RPH3A: variants seen among roughly 807,000 people sequenced by gnomAD.
RPH3A encodes the protein rabphilin 3A.
In RPH3A, 48 loss-of-function variants were observed where a neutral mutation model predicts 102.2. That is an observed-to-expected ratio of 0.47 (90% CI 0.37 to 0.60). The LOEUF (loss-of-function observed/expected upper bound fraction) is 0.60, where lower values mean the gene tolerates loss of function less well. Among genes scored for constraint, RPH3A ranks in the 20% least tolerant of loss-of-function variants. The pLI is 0.00. For synonymous variants in RPH3A, 310 were observed against 324.3 expected (o/e 0.96, Z 0.47); for missense variants, 781 against 910.1 (o/e 0.86, Z 1.83).
intron 2 of RPH3A, among the ~76,000 whole-genome samples, chr12:112,803,914 T>A (rs2041404402): frequency 6.6e-6 from 1 of 152,188 alleles, no homozygotes; most frequent in African/African-American, 2.4e-5. Context: ...ACCTGTAAGA[T>A]GGGAATAATA....
intron 1 of RPH3A, among the ~76,000 whole-genome samples, chr12:112,713,026 T>TTCCTCTTCCTCTTCCTCTTCC (rs1324935262): frequency 1.4e-5 from 1 of 69,116 alleles, no homozygotes; most frequent in Non-Finnish European, 2.5e-5. Flanking sequence ...CCTCTTCCTC[T>TTCCTCTTCCTCTTCCTCTTCC]TCTTCTTCTT....
chr12:112,725,277 A>C (rs944738768), intron 1 of RPH3A, among the ~76,000 whole-genome samples: 2 of 148,908 alleles, frequency 1.3e-5, no homozygotes, highest in Non-Finnish European at 3.0e-5. Context: ...AAAAAAAAAA[A>C]AACACGTTTT....
At chr12:112,629,069 CTG>C (rs1416127146) in intron 1 of RPH3A, among the ~76,000 whole-genome samples, 1 of 152,146 alleles carries the variant, frequency 6.6e-6, no homozygotes. Context: ...AATTTAAAAA[CTG>C]TGCCACACAG....
chr12:112,845,545 T>G (rs1257019362), intron 4 of RPH3A, among the ~76,000 whole-genome samples: 1 of 152,188 alleles, frequency 6.6e-6, no homozygotes. Context: ...AGGATCACAA[T>G]GAATTCTCCT....
intron 1 of RPH3A, among the ~76,000 whole-genome samples, chr12:112,630,497 C>A (rs1039564510): frequency 6.6e-6 from 1 of 152,154 alleles, no homozygotes; most frequent in African/African-American, 2.4e-5. Context: ...CATCTTGAGA[C>A]AAGGGGGCCA....
intron 2 of RPH3A, among the ~76,000 whole-genome samples, chr12:112,819,985 T>C (rs1050634107): frequency 3.9e-5 from 6 of 152,154 alleles, no homozygotes; most frequent in African/African-American, 1.4e-4. Context: ...GGTGGGGAAA[T>C]AGATTTCACC....
intron 5 of RPH3A, among the ~76,000 whole-genome samples, chr12:112,858,115 A>G (rs948481020): frequency 6.6e-6 from 1 of 151,918 alleles, no homozygotes; most frequent in African/African-American, 2.4e-5. Context: ...TCTATAAAAA[A>G]TAATAGCTGG....
At chr12:112,851,706 T>G (rs2042325840) in intron 5 of RPH3A, among the ~76,000 whole-genome samples, 1 of 152,134 alleles carries the variant, frequency 6.6e-6, no homozygotes. Context: ...CACTCACCAC[T>G]CAGTTCACAA....
intron 1 of RPH3A, among the ~76,000 whole-genome samples, chr12:112,678,866 A>T (rs932466580): frequency 4.6e-5 from 7 of 152,116 alleles, no homozygotes; most frequent in Non-Finnish European, 8.8e-5. Context: ...TGCGTGACAG[A>T]TTAGATAGAG....
Position 112,712,873 on chromosome 12 carries a change from CTTT to C in RPH3A, c.-139-79264_-139-79262del, listed in dbSNP as rs200904686. Among the ~76,000 whole-genome samples, 59 of 148,326 alleles carry C rather than the reference CTTT, an allele frequency of 4.0e-4. 2 individuals are homozygous for C. The South Asian group carries it at 6.5e-3, about 16-fold the overall frequency. On this transcript the variant is annotated intron_variant, in intron 1 of 21. Coordinates refer to the RPH3A transcript ENST00000543106. ...ACTGTGTGCCACCACACCCAGCTCA[CTTT>C]TTTTTCTTCTTCTTCTTCTTCTTCT...
intron 1 of RPH3A, among the ~76,000 whole-genome samples, chr12:112,658,788 C>T (rs763791654): frequency 6.6e-6 from 1 of 152,160 alleles, no homozygotes; most frequent in Non-Finnish European, 1.5e-5. Context: ...TCTATTGGGG[C>T]AAGATCAATT....
chr12:112,879,290 G>T (rs757790318), intron 14 of RPH3A, 92 bp downstream of exon 14: 2 of 1,064,644 alleles, frequency 1.9e-6, no homozygotes, highest in Admixed American at 2.1e-5. Context: ...CCTGTCTCCT[G>T]TTGTTGCTTG....
In RPH3A at chr12:112,869,974, C is replaced by T. The variant is rs986628159; in HGVS notation, c.731C>T (p.Ser244Phe). ...RRASEARMSS[S>F]SRDSESWDHS... ...GCCTCCGAGGCACGAATGAGCTCAT[C>T]TAGCCGAGATTCAGAGAGCTGGGAC... The change falls in exon 10 of 22, where the codon TCT becomes TTT. Residue 244 changes from serine (S) to phenylalanine (F), a missense_variant. This residue lies in a region of RPH3A where 730 missense variants were observed against 810.0 expected (regional missense o/e 0.90). Transcript: ENST00000389385. 3.7e-6 allele frequency: 6 copies of T among 1,614,072 alleles called. No individual in the cohort carries two copies. The African/African-American group carries it at 8.0e-5, about 22-fold the overall frequency.
At chr12:112,801,902 C>T (rs535128228) in intron 2 of RPH3A, among the ~76,000 whole-genome samples, 1 of 152,284 alleles carries the variant, frequency 6.6e-6, no homozygotes, top group African/African-American at 2.4e-5. Flanking sequence ...TAGGTTCTCA[C>T]TTCTTTTCCA....
chr12:112,718,792 G>A (rs1283408220), intron 1 of RPH3A, among the ~76,000 whole-genome samples: 1 of 152,214 alleles, frequency 6.6e-6, no homozygotes. Context: ...GAGGAAGATG[G>A]CAGCCTCTTC....
chr12:112,640,358 A>AAAAAAAG (rs2039879978), intron 1 of RPH3A, among the ~76,000 whole-genome samples: 1 of 139,138 alleles, frequency 7.2e-6, no homozygotes, highest in Admixed American at 7.3e-5. Flanking sequence ...AAAAAAAAAA[A>AAAAAAAG]AAAAAAAAGC....
chr12:112,585,476 T>C (rs1222515707), intron 1 of RPH3A, among the ~76,000 whole-genome samples: 1 of 152,242 alleles, frequency 6.6e-6, no homozygotes, highest in African/African-American at 2.4e-5. Flanking sequence ...GGCTCGCACC[T>C]GTAATCCCAG....
At chr12:112,759,510 T>C (rs10492021) in intron 1 of RPH3A, among the ~76,000 whole-genome samples, 15,608 of 152,204 alleles carry the variant, frequency 0.1, 819 homozygotes, top group Middle Eastern at 0.13. Context: ...GCTTGATGAA[T>C]GAGAGGACAG....
intron 1 of RPH3A, among the ~76,000 whole-genome samples, chr12:112,757,343 C>T (rs888634711): frequency 1.2e-4 from 19 of 152,268 alleles, no homozygotes; most frequent in African/African-American, 3.4e-4. Context: ...TAGCCTTCTG[C>T]GGCAAAGAGC....
Sources: allele counts gnomAD v4.1 joint callset (sites outside exome capture counted in the v4.1 genomes callset), GRCh38; gene constraint gnomAD v4.1.1; regional missense constraint gnomAD v4.1.1; transcripts MANE v1.5; gene names NCBI Gene and HGNC (gene_info 2026-07-23, HGNC 2026-07-21).